ESR2: variants seen among roughly 807,000 people sequenced by gnomAD.
ESR2 encodes the protein estrogen receptor beta.
Under a neutral mutation model 49.6 loss-of-function variants are expected in ESR2, and 36 were observed. The ratio of observed to expected loss-of-function variants is 0.73; its 90% CI spans 0.56 to 0.96. ESR2 has a LOEUF of 0.96. Ranked by LOEUF, ESR2 falls within the 40% of genes least tolerant of loss-of-function variation. The probability of loss-of-function intolerance (pLI) is 0.00; values close to 1 mark genes in which losing one functional copy is unlikely to be tolerated. For missense variants in ESR2, 714 were observed against 693.0 expected (o/e 1.03, Z -0.34); for synonymous variants, 320 against 266.1 (o/e 1.20, Z -1.97).
intron 1 of ESR2, among the ~76,000 whole-genome samples, chr14:64,307,046 T>C (rs1395771627): frequency 2.6e-5 from 4 of 152,144 alleles, no homozygotes; most frequent in African/African-American, 9.6e-5. Context: ...ATATGTTGAA[T>C]TTTTTGTTAA....
At chr14:64,297,534 T>A (rs2076972590), upstream of ESR2, 1 of 152,276 alleles carries the variant, frequency 6.6e-6, no homozygotes, top group South Asian at 2.1e-4. Context: ...TCATCTTACC[T>A]GTCAACACAA....
At chr14:64,273,119 G>A (rs2076482672) in intron 3 of ESR2, among the ~76,000 whole-genome samples, 1 of 150,846 alleles carries the variant, frequency 6.6e-6, no homozygotes, top group Admixed American at 6.6e-5. Flanking sequence ...CTGTAAATGA[G>A]ATCACTTTAG....
chr14:64,318,694 A>G (rs2077289394), intron 1 of ESR2, among the ~76,000 whole-genome samples: 1 of 151,690 alleles, frequency 6.6e-6, no homozygotes, highest in Non-Finnish European at 1.5e-5. Context: ...GAGGCCAGGA[A>G]TTAGAAACTA....
Position 64,246,752 on chromosome 14 carries a change from AAAAAAAAAAAAAAAAC to A in ESR2, c.1225+2778_1225+2793del, listed in dbSNP as rs1202613610. On this transcript the variant is annotated intron_variant, in intron 7 of 8. Transcript: ENST00000341099. ...ACTCTGTCAAAAAAAAAAAAAAAAAAAAAAAAAAAAAAAAACACACCTGGCTGGACTTTCCTTATAT... is the reference window on the plus strand; with the variant it reads ...ACTCTGTCAAAAAAAAAAAAAAAAAAACACCTGGCTGGACTTTCCTTATAT... 4.9e-4 allele frequency among the ~76,000 whole-genome samples: 72 copies of A among 146,176 alleles called. 1 individual carries two copies. The highest frequency in any genetic ancestry group is 1.9e-3 in the African/African-American group (72 of 37,658).
chr14:64,279,979 A>G lies in ESR2; in HGVS notation c.535+2T>C, dbSNP rs148022433. On this transcript the variant is annotated splice_donor_variant, in intron 3 of 8. Coordinates refer to ENST00000341099, the MANE Select transcript of ESR2 (RefSeq NM_001437.3). LOFTEE classifies it high-confidence loss of function. ...AAGAAGCAGTTAACAATTCTCTTGT[A>G]CCTTGAATGCTTCTTTTAAAAAAGG... 3.1e-6 allele frequency: 5 copies of G among 1,612,114 alleles called. No individual in the cohort carries two copies. The highest frequency in any genetic ancestry group is 2.2e-5 in the South Asian group (2 of 91,014).
intron 1 of ESR2, among the ~76,000 whole-genome samples, chr14:64,301,024 A>C (rs144052000): frequency 1.6e-4 from 24 of 152,278 alleles, no homozygotes; most frequent in Admixed American, 1.1e-3. Flanking sequence ...AAACAATCCA[A>C]TGAGGTGGGT....
upstream of ESR2, among the ~76,000 whole-genome samples, chr14:64,297,006 A>G (rs568440635): frequency 2.6e-5 from 4 of 152,262 alleles, no homozygotes; most frequent in South Asian, 8.3e-4. Flanking sequence ...GTTCATACCA[A>G]TGGCTAGACC....
intron 4 of ESR2, among the ~76,000 whole-genome samples, chr14:64,267,886 A>G (rs1045179838): frequency 6.6e-5 from 10 of 150,802 alleles, no homozygotes; most frequent in Non-Finnish European, 1.5e-4. Flanking sequence ...TCCATCTCAA[A>G]AAAAAAAAAA....
At chr14:64,330,655 C>T (rs1326926470) in intron 1 of ESR2, 1 of 151,364 alleles carries the variant, frequency 6.6e-6, no homozygotes, top group Non-Finnish European at 1.5e-5. Flanking sequence ...AGGTAATCTG[C>T]TTTACTCAAA....
At chr14:64,247,914 G>C (rs1367705686) in intron 7 of ESR2, among the ~76,000 whole-genome samples, 1 of 152,236 alleles carries the variant, frequency 6.6e-6, no homozygotes, top group Non-Finnish European at 1.5e-5. Context: ...TCATATCAAA[G>C]ATTGTGTTAG....
At chr14:64,274,706 C>T (rs2076522242) in intron 3 of ESR2, among the ~76,000 whole-genome samples, 2 of 152,032 alleles carry the variant, frequency 1.3e-5, no homozygotes, top group African/African-American at 4.8e-5. Context: ...AAGTTGTTTA[C>T]TTCAAGATTT....
intron 7 of ESR2, among the ~76,000 whole-genome samples, chr14:64,241,322 C>T (rs1450696214): frequency 6.6e-6 from 1 of 152,200 alleles, no homozygotes; most frequent in Non-Finnish European, 1.5e-5. Flanking sequence ...TTTCTGGACT[C>T]TCTGTTCCAT....
chr14:64,313,889 AAAAG>A (rs1197600388), intron 1 of ESR2, among the ~76,000 whole-genome samples: 33 of 151,846 alleles, frequency 2.2e-4, no homozygotes, highest in Non-Finnish European at 3.1e-4. Context: ...AAAAAAAAAA[AAAAG>A]AAAGAAAGAA....
chr14:64,249,400 G>T (rs761369384), intron 7 of ESR2, 146 bp downstream of exon 7: 2 of 845,048 alleles, frequency 2.4e-6, no homozygotes, highest in South Asian at 2.2e-5. Flanking sequence ...AGTTTAAATC[G>T]CTATCAAAAT....
Position 64,232,902 on chromosome 14 carries a change from A to G in ESR2, c.*235T>C, listed in dbSNP as rs1284156083. 4 of 663,900 alleles carry G rather than the reference A, an allele frequency of 6.0e-6. No individual in the cohort carries two copies. Among genetic ancestry groups the G allele is most frequent in the Non-Finnish European group, 9.1e-6 (4 of 441,372 alleles). The allele number at this position is 663,900 out of a possible 1,614,324, so 41.1% of individuals were successfully genotyped here. A position where few individuals can be genotyped will look rare whatever the true frequency, so the allele number is the denominator to read the frequency against. ...GACCACACTGAGATCCTATGAGGCC[A>G]TTGAGTGTGGAAACGCTGCATTCAA... On this transcript the variant is annotated 3_prime_UTR_variant, in exon 9 of 9. Transcript: ENST00000341099.
chr14:64,288,355 T>C (rs2076815449), intron 1 of ESR2, among the ~76,000 whole-genome samples: 1 of 151,264 alleles, frequency 6.6e-6, no homozygotes, highest in African/African-American at 2.4e-5. Flanking sequence ...ACACTTTTTT[T>C]TTTTTTTTTT....
At chr14:64,283,767 A>C (rs2076732690) in intron 1 of ESR2, among the ~76,000 whole-genome samples, 1 of 134,118 alleles carries the variant, frequency 7.5e-6, no homozygotes, top group South Asian at 2.3e-4. Context: ...AAAAAAAAAA[A>C]AAAAAGAGAG....
At chr14:64,257,419 T>A in intron 5 of ESR2, 55 bp from the exon 6 acceptor site, 1 of 1,603,620 alleles carries the variant, frequency 6.2e-7, no homozygotes, top group African/African-American at 1.3e-5. Flanking sequence ...CAGCTCCCTG[T>A]GTGTGTAGAG....
chr14:64,288,547 A>G (rs978016571), intron 1 of ESR2, among the ~76,000 whole-genome samples: 1 of 151,692 alleles, frequency 6.6e-6, no homozygotes, highest in African/African-American at 2.4e-5. Flanking sequence ...ACGGGGTTTC[A>G]CCATGTTAGC....
Sources: gnomAD v4.1 joint callset for allele counts (sites outside exome capture counted in the v4.1 genomes callset) on GRCh38, gnomAD v4.1.1 for gene constraint, MANE v1.5 for transcripts, NCBI Gene and HGNC (gene_info 2026-07-23, HGNC 2026-07-21) for gene names.